Variants in KMT2E observed in about 807,000 individuals in gnomAD.
KMT2E encodes the protein lysine methyltransferase 2E (inactive).
KMT2E carries 30 observed loss-of-function variants against 184.6 expected under a neutral mutation model. The ratio of observed to expected loss-of-function variants is 0.16; its 90% confidence interval spans 0.12 to 0.22. KMT2E has a LOEUF of 0.22. KMT2E is among the 10% of genes least tolerant of loss of function. KMT2E has a pLI of 1.00. For synonymous variants in KMT2E, 815 were observed against 776.5 expected (o/e 1.05, Z -0.82); for missense variants, 2,023 against 2,237.4 (o/e 0.90, Z 1.93).
chr7:105,079,663 T>C (rs964309844), intron 12 of KMT2E, among the ~76,000 whole-genome samples: 1 of 151,224 alleles, frequency 6.6e-6, no homozygotes, highest in African/African-American at 2.4e-5. Context: ...TAGGTGGGAC[T>C]GCAGGCGTGT....
chr7:105,082,837 G>A (rs1452955294), intron 13 of KMT2E, among the ~76,000 whole-genome samples: 2 of 152,178 alleles, frequency 1.3e-5, no homozygotes, highest in African/African-American at 2.4e-5. Flanking sequence ...TAAAAAATCA[G>A]TCTTGAAAAC....
Position 105,112,442 on chromosome 7 carries a change from C to G in KMT2E, c.4686C>G (p.Pro1562=). The G allele has an allele frequency of 1.2e-6, 2 of 1,613,606 alleles. No individual in the cohort carries two copies. Among genetic ancestry groups the G allele is most frequent in the Non-Finnish European group, 1.7e-6 (2 of 1,179,936 alleles). The change falls in exon 27 of 27, where the codon CCC becomes CCG. Residue 1562 remains proline (P), a synonymous_variant. Coordinates refer to ENST00000311117, the MANE Select transcript of KMT2E (RefSeq NM_182931.3). Reference sequence around the variant, plus strand: ...CGTCTTACTATCAAAACCAGCAGCCCTCTGCAAACTTTCAGAATTATAATC... The same window carrying G: ...CGTCTTACTATCAAAACCAGCAGCCGTCTGCAAACTTTCAGAATTATAATC... ...PSSSYYQNQQ[P]SANFQNYNQL...
At chr7:105,063,249 C>G in intron 4 of KMT2E, 102 bp from the exon 5 acceptor site, 1 of 823,564 alleles carries the variant, frequency 1.2e-6, no homozygotes, top group East Asian at 2.7e-5. Flanking sequence ...TCTCATATCT[C>G]TTGAGTATTG....
chr7:105,036,044 A>C (rs542971675), intron 1 of KMT2E, among the ~76,000 whole-genome samples: 2 of 152,174 alleles, frequency 1.3e-5, no homozygotes, highest in African/African-American at 2.4e-5. Context: ...GGAGTGAGAT[A>C]CTTAAGTATT....
rs1799538598 is a variant in KMT2E at position 105,114,841 on chromosome 7, A to G, written c.*1508A>G. ...GGGCTCAATCCTAATCACAGCTTCAAATTTTAGAAGAACATATAGGCCAAG... is the reference window on the plus strand; with the variant it reads ...GGGCTCAATCCTAATCACAGCTTCAGATTTTAGAAGAACATATAGGCCAAG... On this transcript the variant is annotated 3_prime_UTR_variant, in exon 27 of 27. Coordinates refer to ENST00000311117, the MANE Select transcript of KMT2E (RefSeq NM_182931.3). Among the ~76,000 whole-genome samples the G allele has an allele frequency of 6.6e-6, 1 of 152,174 alleles. No homozygotes were observed. Among genetic ancestry groups the G allele is most frequent in the African/African-American group, 2.4e-5 (1 of 41,430 alleles).
At chr7:105,058,013 A>G (rs1476989109) in intron 3 of KMT2E, among the ~76,000 whole-genome samples, 1 of 152,186 alleles carries the variant, frequency 6.6e-6, no homozygotes, top group Non-Finnish European at 1.5e-5. Context: ...CTCTTCATCT[A>G]TAACAACCCC....
At chr7:105,080,371 G>C (rs893275632) in intron 12 of KMT2E, among the ~76,000 whole-genome samples, 2 of 150,978 alleles carry the variant, frequency 1.3e-5, no homozygotes, top group African/African-American at 4.9e-5. Context: ...TAATGTTGCA[G>C]CCAAGAATGT....
chr7:105,066,591 G>A (rs978846736), intron 5 of KMT2E, 136 bp from the exon 6 acceptor site: 2 of 588,088 alleles, frequency 3.4e-6, no homozygotes, highest in African/African-American at 1.9e-5. Context: ...ACGTTTCTAT[G>A]AATTTCTCAG....
intron 3 of KMT2E, among the ~76,000 whole-genome samples, chr7:105,042,551 A>G (rs908704477): frequency 2.0e-5 from 3 of 152,104 alleles, no homozygotes; most frequent in Non-Finnish European, 4.4e-5. Flanking sequence ...ACATTTGCCT[A>G]TGGCCACATA....
At chr7:105,054,397 GA>G (rs1163489117) in intron 3 of KMT2E, among the ~76,000 whole-genome samples, 1 of 148,802 alleles carries the variant, frequency 6.7e-6, no homozygotes, top group Non-Finnish European at 1.5e-5. Flanking sequence ...GGAACTCAAG[GA>G]AAAAAAAAGG....
chr7:105,024,767 T>A (rs1338081713), intron 1 of KMT2E, among the ~76,000 whole-genome samples: 4 of 152,204 alleles, frequency 2.6e-5, no homozygotes, highest in Admixed American at 2.6e-4. Flanking sequence ...TGCTTTATAC[T>A]TTTCCAAGAA....
intron 3 of KMT2E, among the ~76,000 whole-genome samples, chr7:105,052,164 C>T (rs150173812): frequency 6.6e-6 from 1 of 152,324 alleles, no homozygotes; most frequent in East Asian, 1.9e-4. Flanking sequence ...TCTCGTCTCA[C>T]TATTCTCTTA....
intron 1 of KMT2E, among the ~76,000 whole-genome samples, chr7:105,015,595 C>G (rs2216107): frequency 0.27 from 41,212 of 151,972 alleles, 8,150 homozygotes; most frequent in East Asian, 0.58. Context: ...GGAAAATAGT[C>G]TGTTTTTTTC....
intron 12 of KMT2E, among the ~76,000 whole-genome samples, chr7:105,080,045 C>T (rs543520426): frequency 2.6e-5 from 4 of 151,680 alleles, no homozygotes; most frequent in Non-Finnish European, 4.4e-5. Flanking sequence ...TGGGTTCTCC[C>T]TATGTTGTCC....
rs201051322 is a variant in KMT2E, at chr7:105,109,260, A to T, written c.3755+32A>T. The T allele has an allele frequency of 4.6e-5, 74 of 1,595,532 alleles. No individual in the cohort carries two copies. The East Asian group carries it at 1.7e-3, about 36-fold the overall frequency. ...CCATTGTGAAGTATGCTACTCTGGAAAAAACAAGCTTTTGTTCAAGTATTC... is the reference window on the plus strand; with the variant it reads ...CCATTGTGAAGTATGCTACTCTGGATAAAACAAGCTTTTGTTCAAGTATTC... On this transcript the variant is annotated intron_variant, in intron 23 of 26. Coordinates refer to ENST00000311117, the MANE Select transcript of KMT2E (RefSeq NM_182931.3).
rs373899614 is a variant in KMT2E, at chr7:105,107,769, A to G, written c.3312A>G (p.Ser1104=). 6.2e-7 allele frequency: 1 copy of G among 1,614,190 alleles called. No homozygotes were observed. The highest frequency in any genetic ancestry group is 8.5e-7 in the Non-Finnish European group (1 of 1,180,020). The part of the protein sequence containing the change: ...EVGGGFRISE[S]KCLMQDDTRG... ...GAGGAGGCTTCCGAATAAGTGAGTC[A>G]AAGTGCCTGATGCAGGATGATACTA... Residue 1104 remains serine, a synonymous_variant, in exon 22 of 27, where the codon TCA becomes TCG. Transcript: ENST00000311117.
chr7:105,071,580 G>GTATATATATATATATATATATA (rs1438005247), intron 6 of KMT2E, among the ~76,000 whole-genome samples: 10 of 64,960 alleles, frequency 1.5e-4, no homozygotes, highest in Non-Finnish European at 2.7e-4. Flanking sequence ...GTATGTGTGT[G>GTATATATATATATATATATATA]TGTATATATA....
At chr7:105,100,239 T>C (rs949812224) in intron 15 of KMT2E, among the ~76,000 whole-genome samples, 2 of 152,194 alleles carry the variant, frequency 1.3e-5, no homozygotes, top group Non-Finnish European at 2.9e-5. Context: ...TTTGTTGACA[T>C]AGTATTTTGT....
At position 105,077,051 on chromosome 7, in the gene KMT2E, A is replaced by C; in HGVS notation, c.857A>C (p.Glu286Ala). The C allele has an allele frequency of 1.2e-6, 2 of 1,614,046 alleles. No homozygotes were observed. The highest frequency in any genetic ancestry group is 1.7e-6 in the Non-Finnish European group (2 of 1,180,006). ...KIKAWMDRYEEANNNQYSEGV... is the reference protein window; with the variant it reads ...KIKAWMDRYEAANNNQYSEGV... Reference sequence around the variant, plus strand: ...AAAGCATGGATGGATCGATATGAAGAAGCAAATAACAACCAGTACAGTGAG... The same window carrying C: ...AAAGCATGGATGGATCGATATGAAGCAGCAAATAACAACCAGTACAGTGAG... The change falls in exon 10 of 27, where the codon GAA becomes GCA. Residue 286 changes from glutamate (E) to alanine (A), a missense_variant. Physicochemically the swap from Glu to Ala is moderately radical, Grantham distance 107 (BLOSUM62 -1). Around this residue, in one of 8 missense-constraint regions of KMT2E, gnomAD observed 191 missense variants for 209.0 expected, o/e 0.91. Coordinates refer to ENST00000311117, the MANE Select transcript of KMT2E (RefSeq NM_182931.3).
Sources: gnomAD v4.1 joint callset for allele counts (sites outside exome capture counted in the v4.1 genomes callset) on GRCh38, gnomAD v4.1.1 for gene constraint, gnomAD v4.1.1 regional missense constraint, MANE v1.5 for transcripts, NCBI Gene and HGNC (gene_info 2026-07-23, HGNC 2026-07-21) for gene names.